The following FANCC variants were observed in gnomAD, a reference collection of about 807,000 sequenced individuals.
FANCC encodes the protein Fanconi anemia group C protein.
Under a neutral mutation model 71.3 loss-of-function variants are expected in FANCC, and 55 were observed. That is an observed-to-expected ratio of 0.77 (90% confidence interval 0.62 to 0.97). The LOEUF is 0.97. FANCC is among the 50% of genes least tolerant of loss of function. FANCC has a pLI of 0.00. For missense variants in FANCC, 678 were observed against 670.9 expected (o/e 1.01, Z -0.12); for synonymous variants, 275 against 244.9 (o/e 1.12, Z -1.15).
Position 95,125,076 on chromosome 9 carries a change from T to C in FANCC, c.996+10A>G, listed in dbSNP as rs750039219. On this transcript the variant is annotated intron_variant, in intron 10 of 14. Coordinates refer to ENST00000289081, the MANE Select transcript of FANCC (RefSeq NM_000136.3). ...TGGGATGAATGAGTAATATATGTGATATAACAAACCTGCTTGCTTGCTTTC... is the reference window on the plus strand; with the variant it reads ...TGGGATGAATGAGTAATATATGTGACATAACAAACCTGCTTGCTTGCTTTC... The C allele has an allele frequency of 6.2e-7, 1 of 1,610,028 alleles. No homozygotes were observed. Among genetic ancestry groups the C allele is most frequent in the Admixed American group, 1.7e-5 (1 of 60,018 alleles).
chr9:95,223,809 T>C (rs1829437803), intron 4 of FANCC, among the ~76,000 whole-genome samples: 1 of 152,110 alleles, frequency 6.6e-6, no homozygotes, highest in Non-Finnish European at 1.5e-5. Context: ...AAACCCCGTC[T>C]CTACTGACAA....
At chr9:95,287,343 TAAG>T (rs1247190246) in intron 1 of FANCC, among the ~76,000 whole-genome samples, 3 of 152,222 alleles carry the variant, frequency 2.0e-5, no homozygotes, top group Admixed American at 6.5e-5. Context: ...AACCTAAACT[TAAG>T]GAGGAACTAT....
intron 1 of FANCC, among the ~76,000 whole-genome samples, chr9:95,289,990 G>C (rs1833910425): frequency 6.6e-6 from 1 of 152,192 alleles, no homozygotes; most frequent in African/African-American, 2.4e-5. Context: ...AGACATGCCT[G>C]AGGCTTACAT....
At chr9:95,154,197 C>T (rs1268189147) in intron 6 of FANCC, among the ~76,000 whole-genome samples, 1 of 125,094 alleles carries the variant, frequency 8.0e-6, no homozygotes, top group Non-Finnish European at 1.6e-5. Flanking sequence ...AGTGAGCTGA[C>T]ATCACGCCAC....
At chr9:95,305,238 T>C (rs1310732378) in intron 1 of FANCC, among the ~76,000 whole-genome samples, 1 of 152,234 alleles carries the variant, frequency 6.6e-6, no homozygotes, top group Non-Finnish European at 1.5e-5. Context: ...AGCCCAGTTA[T>C]TCAGCACTTC....
chr9:95,227,299 C>G (rs1047364387), intron 4 of FANCC, among the ~76,000 whole-genome samples: 4 of 152,198 alleles, frequency 2.6e-5, no homozygotes. Flanking sequence ...CTGCACCATA[C>G]TGGGCCAGGC....
chr9:95,221,719 T>C (rs1776795400), intron 4 of FANCC, among the ~76,000 whole-genome samples: 1 of 152,156 alleles, frequency 6.6e-6, no homozygotes, highest in Non-Finnish European at 1.5e-5. Flanking sequence ...CAAAATATTT[T>C]AATAGACACT....
intron 1 of FANCC, among the ~76,000 whole-genome samples, chr9:95,271,478 C>T (rs71498694): frequency 6.6e-6 from 1 of 152,100 alleles, no homozygotes; most frequent in African/African-American, 2.4e-5. Flanking sequence ...AGGGATGCGG[C>T]CACAAGCCCA....
At chr9:95,153,227 T>C in intron 6 of FANCC, among the ~76,000 whole-genome samples, 1 of 152,246 alleles carries the variant, frequency 6.6e-6, no homozygotes, top group Non-Finnish European at 1.5e-5. Context: ...ATATACCATA[T>C]TTTCTTTATC....
rs1303872874 is a variant in FANCC, at chr9:95,101,757, A to T, written c.1627T>A (p.Ser543Thr). 27 of 1,614,094 alleles carry T rather than the reference A, an allele frequency of 1.7e-5. No individual in the cohort carries two copies. Among genetic ancestry groups the T allele is most frequent in the Non-Finnish European group, 2.3e-5 (27 of 1,180,010 alleles). The change falls in exon 15 of 15, where the codon TCA (serine) becomes ACA (threonine). Residue 543 changes from serine to threonine, a missense_variant. Coordinates refer to ENST00000289081, the MANE Select transcript of FANCC (RefSeq NM_000136.3). Reference sequence around the variant, plus strand: ...AGGAGCTCTCGGGCCAGTTTTTCTGATCTAGGGCTTTCAATGCCAAGACGA... The same window carrying T: ...AGGAGCTCTCGGGCCAGTTTTTCTGTTCTAGGGCTTTCAATGCCAAGACGA... ...WNRLGIESPR[S>T]EKLARELLKE...
chr9:95,164,733 G>A (rs531634447), intron 6 of FANCC, among the ~76,000 whole-genome samples: 2 of 152,220 alleles, frequency 1.3e-5, no homozygotes, highest in East Asian at 1.9e-4. Flanking sequence ...GATTCACGAA[G>A]GATATTAATC....
chr9:95,209,346 A>G, intron 4 of FANCC, among the ~76,000 whole-genome samples: 1 of 152,150 alleles, frequency 6.6e-6, no homozygotes, highest in East Asian at 1.9e-4. Context: ...AATGTACACT[A>G]CCCAGAGTGA....
intron 4 of FANCC, among the ~76,000 whole-genome samples, chr9:95,205,417 G>T (rs1305664442): frequency 6.6e-6 from 1 of 151,872 alleles, no homozygotes; most frequent in African/African-American, 2.4e-5. Flanking sequence ...TTATATATAT[G>T]AAGACTAGGA....
At chr9:95,151,044 G>C (rs187166697) in intron 6 of FANCC, among the ~76,000 whole-genome samples, 1 of 152,206 alleles carries the variant, frequency 6.6e-6, no homozygotes, top group Non-Finnish European at 1.5e-5. Context: ...GGCGGCTACA[G>C]TACCGAACAG....
intron 10 of FANCC, among the ~76,000 whole-genome samples, chr9:95,118,057 T>C (rs939705086): frequency 5.3e-5 from 8 of 151,950 alleles, no homozygotes; most frequent in African/African-American, 1.7e-4. Context: ...CTCCTTCTGT[T>C]GCGCAGGCTG....
At chr9:95,111,300 A>G (rs1430414231) in intron 13 of FANCC, 163 bp downstream of exon 13, 1 of 1,584,328 alleles carries the variant, frequency 6.3e-7, no homozygotes, top group Non-Finnish European at 8.5e-7. Context: ...CTCTGACCAC[A>G]AGGCTGGAGA....
At chr9:95,262,085 A>G (rs1832085405) in intron 1 of FANCC, among the ~76,000 whole-genome samples, 1 of 152,202 alleles carries the variant, frequency 6.6e-6, no homozygotes, top group Non-Finnish European at 1.5e-5. Flanking sequence ...TCAAATAGCC[A>G]TGATACAAAG....
At chr9:95,308,230 A>G (rs1266157607) in intron 1 of FANCC, among the ~76,000 whole-genome samples, 10 of 151,808 alleles carry the variant, frequency 6.6e-5, no homozygotes, top group Admixed American at 6.6e-4. Context: ...TAAATTAAAC[A>G]TCTTAGGCTT....
At chr9:95,246,297 G>T (rs975121270) in intron 3 of FANCC, among the ~76,000 whole-genome samples, 5 of 152,204 alleles carry the variant, frequency 3.3e-5, no homozygotes, top group African/African-American at 1.2e-4. Flanking sequence ...GGCTGAGTGT[G>T]TGGGCGTCCA....
Sources: allele counts gnomAD v4.1 joint callset (sites outside exome capture counted in the v4.1 genomes callset), GRCh38; gene constraint gnomAD v4.1.1; transcripts MANE v1.5; gene names NCBI Gene and HGNC (gene_info 2026-07-23, HGNC 2026-07-21).